FAM228B: variants seen among roughly 807,000 people sequenced by gnomAD.
The protein encoded by FAM228B is protein FAM228B.
A neutral mutation model predicts 42.6 loss-of-function variants in FAM228B; 38 were observed. The observed-to-expected ratio is 0.89, with a 90% CI of 0.69 to 1.17. The LOEUF is 1.17. FAM228B is among the 50% of genes most tolerant of loss of function. The probability of loss-of-function intolerance (pLI) is 0.00; values close to 1 mark genes in which losing one functional copy is unlikely to be tolerated. For synonymous variants in FAM228B, 109 were observed against 122.3 expected, an observed-to-expected ratio of 0.89 and a Z score of 0.72; for missense variants, 344 against 367.3, an observed-to-expected ratio of 0.94 and a Z score of 0.52.
At chr2:24,129,896 A>G (rs1050443184) in intron 2 of FAM228B, among the ~76,000 whole-genome samples, 2 of 152,110 alleles carry the variant, frequency 1.3e-5, no homozygotes, top group African/African-American at 2.4e-5. Context: ...GTGGTTTGCT[A>G]TCAACCTGTC....
chr2:24,147,874 C>T, intron 7 of FAM228B, among the ~76,000 whole-genome samples: 1 of 145,930 alleles, frequency 6.9e-6, no homozygotes, highest in South Asian at 2.1e-4. Context: ...ATCTAGTTCT[C>T]TTGATTGCTT....
chr2:24,156,105 A>T (rs772542360), intron 7 of FAM228B, among the ~76,000 whole-genome samples: 7 of 152,164 alleles, frequency 4.6e-5, no homozygotes, highest in Non-Finnish European at 8.8e-5. Flanking sequence ...CTGTAGCAAG[A>T]TGTGTGTGCC....
At chr2:24,132,924 G>T (rs1666490621) in intron 2 of FAM228B, among the ~76,000 whole-genome samples, 1 of 152,154 alleles carries the variant, frequency 6.6e-6, no homozygotes, top group Non-Finnish European at 1.5e-5. Flanking sequence ...TCTGCCTTAT[G>T]CATATACAGT....
chr2:24,141,608 G>A (rs1666748549), intron 5 of FAM228B, among the ~76,000 whole-genome samples: 1 of 152,070 alleles, frequency 6.6e-6, no homozygotes, highest in Non-Finnish European at 1.5e-5. Flanking sequence ...TTGAACTCCT[G>A]ACCTCGTGAT....
chr2:24,163,583 T>G (rs1667331767), intron 8 of FAM228B, among the ~76,000 whole-genome samples: 1 of 152,232 alleles, frequency 6.6e-6, no homozygotes, highest in Admixed American at 6.5e-5. Context: ...TAAGTTCTTC[T>G]GCAATCCCTA....
At chr2:24,115,769 A>G (rs1665895177) in intron 3 of FAM228B, among the ~76,000 whole-genome samples, 1 of 152,174 alleles carries the variant, frequency 6.6e-6, no homozygotes. Flanking sequence ...TGGATAGTTG[A>G]AACACAGTTC....
chr2:24,100,013 T>TG (rs1665574340), intron 3 of FAM228B, among the ~76,000 whole-genome samples: 1 of 152,146 alleles, frequency 6.6e-6, no homozygotes, highest in African/African-American at 2.4e-5. Context: ...ATACAAGCAA[T>TG]GGGGAAAGGA....
At chr2:24,089,439 T>G (rs1665337452) in intron 2 of FAM228B, among the ~76,000 whole-genome samples, 1 of 152,170 alleles carries the variant, frequency 6.6e-6, no homozygotes, top group African/African-American at 2.4e-5. Context: ...AAGGAAGATT[T>G]TTTTAGCAAA....
chr2:24,128,020 A>G (rs954432914), intron 2 of FAM228B, among the ~76,000 whole-genome samples: 2 of 152,168 alleles, frequency 1.3e-5, no homozygotes, highest in African/African-American at 4.8e-5. Context: ...AACTGTATGT[A>G]CAATAACCTG....
At chr2:24,085,061 C>T (rs1358127487) in intron 2 of FAM228B, 1 of 152,196 alleles carries the variant, frequency 6.6e-6, no homozygotes, top group Non-Finnish European at 1.5e-5. Flanking sequence ...TTCCTTCTCT[C>T]TAGGGAACGA....
intron 2 of FAM228B, chr2:24,082,836 TGAA>T (rs891206067): frequency 6.5e-7 from 1 of 1,539,212 alleles, no homozygotes; most frequent in Non-Finnish European, 8.8e-7. Flanking sequence ...GGCTGATTTA[TGAA>T]GGTGTTGAGC....
intron 2 of FAM228B, among the ~76,000 whole-genome samples, chr2:24,125,485 T>C (rs968601201): frequency 6.6e-5 from 10 of 152,214 alleles, no homozygotes; most frequent in Non-Finnish European, 1.2e-4. Context: ...GCTTCCTTAA[T>C]ATTCTGTTGT....
intron 5 of FAM228B, among the ~76,000 whole-genome samples, chr2:24,145,238 C>T (rs1666865586): frequency 1.3e-5 from 2 of 152,170 alleles, no homozygotes. Flanking sequence ...GGACAGGCAC[C>T]CTTGGCCTGC....
intron 3 of FAM228B, chr2:24,097,249 T>C (rs1456367641): frequency 6.6e-6 from 1 of 152,108 alleles, no homozygotes; most frequent in African/African-American, 2.4e-5. Context: ...AACATCATAA[T>C]GACAGGATCA....
intron 2 of FAM228B, among the ~76,000 whole-genome samples, chr2:24,129,859 T>C (rs1354251398): frequency 6.6e-6 from 1 of 152,226 alleles, no homozygotes; most frequent in Non-Finnish European, 1.5e-5. Flanking sequence ...ACGTGCAGGT[T>C]TGTTACATAG....
At chr2:24,142,883 A>G (rs1329601594) in intron 5 of FAM228B, 1 of 152,250 alleles carries the variant, frequency 6.6e-6, no homozygotes, top group Non-Finnish European at 1.5e-5. Context: ...TTTGATATTC[A>G]GTAATGAAAT....
intron 5 of FAM228B, among the ~76,000 whole-genome samples, chr2:24,141,399 A>G (rs1666743481): frequency 6.6e-6 from 1 of 152,094 alleles, no homozygotes; most frequent in African/African-American, 2.4e-5. Context: ...ACCCACCACC[A>G]CGCCTGGCTA....
chr2:24,150,234 C>G (rs983197259), intron 7 of FAM228B, among the ~76,000 whole-genome samples: 1 of 152,070 alleles, frequency 6.6e-6, no homozygotes, highest in Admixed American at 6.6e-5. Context: ...CATTAACATC[C>G]CTTTCTTTCA....
chr2:24,078,185 C>A (rs13415197), intron 1 of FAM228B, among the ~76,000 whole-genome samples: 17,760 of 151,960 alleles, frequency 0.12, 1,233 homozygotes, highest in South Asian at 0.18. Flanking sequence ...AGTTTTACAC[C>A]CCCCACCCCC....
Sources: gnomAD v4.1 joint callset for allele counts (sites outside exome capture counted in the v4.1 genomes callset) on GRCh38, gnomAD v4.1.1 for gene constraint, MANE v1.5 for transcripts, NCBI Gene and HGNC (gene_info 2026-07-23, HGNC 2026-07-21) for gene names.